Variants in CDH18 observed in about 807,000 individuals in gnomAD.
CDH18 encodes the protein cadherin 18, also known as cadherin-18.
CDH18 carries 31 observed loss-of-function variants against 67.9 expected under a neutral mutation model. The ratio of observed to expected loss-of-function variants is 0.46; its 90% CI spans 0.34 to 0.62. The LOEUF (loss-of-function observed/expected upper bound fraction) is 0.62, where lower values mean the gene tolerates loss of function less well. CDH18 is among the 20% of genes least tolerant of loss of function. The pLI is 0.01. For synonymous variants in CDH18, 362 were observed against 347.2 expected (o/e 1.04, Z -0.48); for missense variants, 890 against 975.5 (o/e 0.91, Z 1.17).
chr5:20,347,066 G>A (rs1053107843), intron 1 of CDH18, among the ~76,000 whole-genome samples: 14 of 151,996 alleles, frequency 9.2e-5, no homozygotes, highest in Non-Finnish European at 1.5e-4. Context: ...ATTGTTAAGG[G>A]GTGCTAAGAC....
At chr5:20,064,548 T>C (rs1742801098) in intron 2 of CDH18, among the ~76,000 whole-genome samples, 1 of 152,156 alleles carries the variant, frequency 6.6e-6, no homozygotes, top group Admixed American at 6.6e-5. Context: ...ATTTTATTTG[T>C]GTGTTTACAG....
chr5:20,029,145 A>G (rs1427608638), intron 2 of CDH18, among the ~76,000 whole-genome samples: 1 of 152,140 alleles, frequency 6.6e-6, no homozygotes, highest in Non-Finnish European at 1.5e-5. Flanking sequence ...CTTCTTATCC[A>G]CAGCATTTAA....
rs74996645 is a variant in CDH18, at chr5:19,493,211, C to T, written c.1631-9659G>A. Among the ~76,000 whole-genome samples the T allele has an allele frequency of 6.0e-3, 911 of 152,310 alleles. 8 individuals carry two copies. Among genetic ancestry groups the T allele is most frequent in the African/African-American group, 0.021 (880 of 41,578 alleles). ...GTAGCTCACATTTCACCTCCATCAACTGCAAATTACATAATTACATTTCAT... is the reference window on the plus strand; with the variant it reads ...GTAGCTCACATTTCACCTCCATCAATTGCAAATTACATAATTACATTTCAT... On this transcript the variant is annotated intron_variant, in intron 11 of 12. Transcript: ENST00000382275.
intron 1 of CDH18, among the ~76,000 whole-genome samples, chr5:20,537,388 T>TA (rs1395197234): frequency 8.1e-6 from 1 of 123,522 alleles, no homozygotes; most frequent in African/African-American, 2.8e-5. Flanking sequence ...AACATGTCTT[T>TA]AAAAAACTGA....
At chr5:20,210,195 T>G (rs2126373393) in intron 2 of CDH18, among the ~76,000 whole-genome samples, 1 of 151,964 alleles carries the variant, frequency 6.6e-6, no homozygotes, top group East Asian at 1.9e-4. Flanking sequence ...CCATTTAGAT[T>G]TCTTTCTGAC....
chr5:19,814,875 C>T, intron 3 of CDH18, among the ~76,000 whole-genome samples: 1 of 143,846 alleles, frequency 7.0e-6, no homozygotes, highest in East Asian at 2.0e-4. Flanking sequence ...CACACACACA[C>T]ATGGACACAC....
At chr5:19,691,891 T>C (rs546149370) in intron 5 of CDH18, among the ~76,000 whole-genome samples, 1 of 152,050 alleles carries the variant, frequency 6.6e-6, no homozygotes, top group Admixed American at 6.6e-5. Context: ...CTCATATTCA[T>C]ATGGAACCAT....
intron 1 of CDH18, among the ~76,000 whole-genome samples, chr5:20,318,652 A>G (rs567055437): frequency 2.0e-5 from 3 of 152,202 alleles, no homozygotes; most frequent in South Asian, 2.1e-4. Flanking sequence ...ACCTTCTGCC[A>G]TGACTGTGAG....
intron 3 of CDH18, among the ~76,000 whole-genome samples, chr5:19,799,030 T>A (rs2149839648): frequency 6.6e-6 from 1 of 152,214 alleles, no homozygotes. Flanking sequence ...TTTTAGGTAT[T>A]ACAAATAATG....
intron 2 of CDH18, among the ~76,000 whole-genome samples, chr5:19,879,818 G>A (rs1451890125): frequency 6.6e-6 from 1 of 151,916 alleles, no homozygotes; most frequent in East Asian, 1.9e-4. Flanking sequence ...GGCCTAACAT[G>A]CTTGAAATAT....
intron 2 of CDH18, among the ~76,000 whole-genome samples, chr5:20,189,567 G>A (rs1738375690): frequency 6.6e-6 from 1 of 152,082 alleles, no homozygotes; most frequent in South Asian, 2.1e-4. Context: ...CTATGAGGGA[G>A]ATACTTATTA....
intron 2 of CDH18, among the ~76,000 whole-genome samples, chr5:20,026,132 A>G (rs1738875862): frequency 6.6e-6 from 1 of 152,202 alleles, no homozygotes; most frequent in Non-Finnish European, 1.5e-5. Context: ...TGTTAGTAGC[A>G]TGACCTGGGA....
chr5:20,359,498 T>C (rs62352793), intron 1 of CDH18, among the ~76,000 whole-genome samples: 64,149 of 152,006 alleles, frequency 0.42, 15,525 homozygotes, highest in Middle Eastern at 0.61. Flanking sequence ...TTCCTCTTGG[T>C]TCATATTTTC....
chr5:20,548,060 A>C (rs528819170), intron 1 of CDH18, among the ~76,000 whole-genome samples: 12 of 149,910 alleles, frequency 8.0e-5, no homozygotes, highest in Non-Finnish European at 1.6e-4. Context: ...CTAAAAAAAA[A>C]CAAAATATGT....
chr5:20,496,341 A>T (rs1753904153), intron 1 of CDH18, among the ~76,000 whole-genome samples: 1 of 152,170 alleles, frequency 6.6e-6, no homozygotes, highest in African/African-American at 2.4e-5. Context: ...TTTTAAACCT[A>T]ATCATATTGT....
chr5:20,314,873 T>G (rs182298819), intron 1 of CDH18, among the ~76,000 whole-genome samples: 75 of 151,152 alleles, frequency 5.0e-4, no homozygotes, highest in Non-Finnish European at 7.4e-5. Context: ...GATGAGAAAT[T>G]TATTAAGAAT....
Position 20,434,759 on chromosome 5 carries a change from G to A in CDH18, c.-580+140703C>T, listed in dbSNP as rs566480024. Among the ~76,000 whole-genome samples the A allele has an allele frequency of 6.6e-5, 10 of 152,064 alleles. No homozygotes were observed. The South Asian group carries it at 1.7e-3, about 25-fold the overall frequency. ...TCAGAGAAGAGCCAATATGAATAAG[G>A]ACAAGTTTCATTTAATAAATAAACT... On this transcript the variant is annotated intron_variant, in intron 1 of 14. Transcript: ENST00000507958.
At chr5:20,328,437 T>A (rs111915582) in intron 1 of CDH18, among the ~76,000 whole-genome samples, 2,102 of 150,944 alleles carry the variant, frequency 0.014, 53 homozygotes, top group African/African-American at 0.048. Flanking sequence ...GATGAAAGAA[T>A]CGGGTTGTGC....
chr5:19,488,305 C>T (rs796184500), intron 11 of CDH18, among the ~76,000 whole-genome samples: 3 of 152,076 alleles, frequency 2.0e-5, no homozygotes, highest in South Asian at 4.1e-4. Context: ...TTATCAGACA[C>T]CTACTCTCAG....
Sources: gnomAD v4.1 joint callset for allele counts (sites outside exome capture counted in the v4.1 genomes callset) on GRCh38, gnomAD v4.1.1 for gene constraint, MANE v1.5 for transcripts, NCBI Gene and HGNC (gene_info 2026-07-23, HGNC 2026-07-21) for gene names.